Variants in SCAMP4 observed in about 807,000 individuals in gnomAD.
SCAMP4 encodes secretory carrier-associated membrane protein 4.
A neutral mutation model predicts 32.1 loss-of-function variants in SCAMP4; 19 were observed. That is an observed-to-expected ratio of 0.59 (90% CI 0.41 to 0.87). The LOEUF is 0.87. SCAMP4 is among the 40% of genes least tolerant of loss of function. The pLI is 0.00. For missense variants in SCAMP4, 302 were observed against 309.0 expected (o/e 0.98, Z 0.17); for synonymous variants, 152 against 132.7 (o/e 1.15, Z -1.00).
In SCAMP4 at chr19:1,924,268, G is replaced by T; in HGVS notation, c.674G>T (p.Ser225Ile). 1.3e-6 allele frequency: 2 copies of T among 1,594,630 alleles called. No individual in the cohort carries two copies. The highest frequency in any genetic ancestry group is 1.7e-5 in the Admixed American group (1 of 57,172). ...CCCACTGTGCCCAGCTACCCGGGCA[G>T]TGGCCAGTGGCCTTAGAGGGAGCCT... ...EYPTVPSYPG[S>I]GQWP is the part of the protein sequence containing the mutation. The change falls in exon 7 of 7, where the codon AGT becomes ATT. Residue 225 changes from serine to isoleucine, a missense_variant. Transcript: ENST00000316097.
chr19:1,921,887 G>C, intron 5 of SCAMP4: 1 of 985,420 alleles, frequency 1.0e-6, no homozygotes. Flanking sequence ...CTCCAAGCAG[G>C]CGAACACAGG....
At chr19:1,921,296 G>C (rs1264619582) in intron 5 of SCAMP4, 13 of 985,434 alleles carry the variant, frequency 1.3e-5, no homozygotes, top group Non-Finnish European at 1.6e-5. Context: ...CACCTCCCCA[G>C]GGGTGACGCA....
chr19:1,907,619 C>T (rs769241720), intron 1 of SCAMP4, among the ~76,000 whole-genome samples: 6 of 152,146 alleles, frequency 3.9e-5, no homozygotes, highest in Admixed American at 1.3e-4. Flanking sequence ...GGCCTCCCAG[C>T]CTCCTGTTCA....
At position 1,918,885 on chromosome 19, in the gene SCAMP4, C is replaced by A. The variant is rs138967369; in HGVS notation, c.294-4C>A. 6.4e-4 allele frequency: 1,029 copies of A among 1,601,408 alleles called. 3 individuals are homozygous for A. In the African/African-American group the frequency reaches 0.012, roughly 19 times the overall value. The stretch of plus-strand genomic sequence containing the variant: ...TAACCGTCGTGTTTTCTGTCCCTCC[C>A]CAGAGCCGACAGCTCCTTTAATTTC... On this transcript the variant is annotated splice_region_variant and splice_polypyrimidine_tract_variant and intron_variant, in intron 4 of 6. Coordinates refer to ENST00000316097, the MANE Select transcript of SCAMP4 (RefSeq NM_079834.4).
At chr19:1,909,662 C>G (rs947391823) in intron 1 of SCAMP4, among the ~76,000 whole-genome samples, 1 of 152,188 alleles carries the variant, frequency 6.6e-6, no homozygotes, top group East Asian at 1.9e-4. Flanking sequence ...GGTTCTCACC[C>G]GAGAGCCGCC....
rs1006095259 is a variant in SCAMP4, at chr19:1,924,539, C to T, written c.*255C>T. 9 of 527,000 alleles carry T rather than the reference C, an allele frequency of 1.7e-5. No individual in the cohort carries two copies. The highest frequency in any genetic ancestry group is 2.1e-5 in the Non-Finnish European group (6 of 288,216). 32.6% of individuals were successfully genotyped at this position (527,000 alleles called of 1,614,324 possible). On this transcript the variant is annotated 3_prime_UTR_variant, in exon 7 of 7. Coordinates refer to ENST00000316097, the MANE Select transcript of SCAMP4 (RefSeq NM_079834.4). ...CGTCCACAGGACGCCCTCTTGCTCC[C>T]GGAAACGTGTGGTCACCCGCCGTCC...
Position 1,924,329 on chromosome 19 carries a change from A to G in SCAMP4, c.*45A>G, listed in dbSNP as rs1470890291. On this transcript the variant is annotated 3_prime_UTR_variant, in exon 7 of 7. Coordinates refer to ENST00000316097, the MANE Select transcript of SCAMP4 (RefSeq NM_079834.4). ...CACCGCCCACCACCTCCTCCCCTTC[A>G]TTCCTGCTGCTACCCCTGGTCCCGA... 3 of 1,516,786 alleles carry G rather than the reference A, an allele frequency of 2.0e-6. No individual in the cohort carries two copies. Among genetic ancestry groups the G allele is most frequent in the African/African-American group, 1.4e-5 (1 of 72,762 alleles). The allele number at this position is 1,516,786 out of a possible 1,614,324, so 94.0% of individuals were successfully genotyped here.
At chr19:1,924,084 C>T (rs1599259627) in intron 6 of SCAMP4, 24 bp from the exon 7 acceptor site, 2 of 1,565,370 alleles carry the variant, frequency 1.3e-6, no homozygotes, top group Non-Finnish European at 8.6e-7. Flanking sequence ...CTGTCTTCTG[C>T]CTCCCTGTCC....
intron 6 of SCAMP4, among the ~76,000 whole-genome samples, chr19:1,923,872 G>A (rs181153196): frequency 0.016 from 1,867 of 113,630 alleles, 265 homozygotes; most frequent in African/African-American, 0.047. Context: ...TGATCCTCCC[G>A]CCTCGGCCTC....
intron 5 of SCAMP4, chr19:1,922,082 C>T (rs956571924): frequency 2.0e-6 from 2 of 985,310 alleles, no homozygotes; most frequent in African/African-American, 3.5e-5. Context: ...TTTAAGTTCC[C>T]TGAATTTTAA....
chr19:1,918,108 C>A lies in SCAMP4; in HGVS notation c.137-19C>A. 6.2e-7 allele frequency: 1 copy of A among 1,600,186 alleles called. No homozygotes were observed. Among genetic ancestry groups the A allele is most frequent in the Non-Finnish European group, 8.5e-7 (1 of 1,171,592 alleles). The stretch of plus-strand genomic sequence containing the variant: ...CACCCTCCCGTGCCTGCTCATCCGT[C>A]CTCCCTCTCTCTTCGCAGTTTACTG... On this transcript the variant is annotated intron_variant, in intron 3 of 6. Coordinates refer to ENST00000316097, the MANE Select transcript of SCAMP4 (RefSeq NM_079834.4).
Position 1,924,682 on chromosome 19 carries a change from G to A in SCAMP4, c.*398G>A, listed in dbSNP as rs765488386. ...AGCTGCTGGCGCTGAGGTCAGAGCG[G>A]GTCTGATGGGGAGCTCCGTCTCACC... On this transcript the variant is annotated 3_prime_UTR_variant, in exon 7 of 7. Transcript: ENST00000316097. The A allele has an allele frequency of 1.4e-5, 3 of 215,782 alleles. No individual in the cohort carries two copies. Among genetic ancestry groups the A allele is most frequent in the East Asian group, 2.0e-4 (2 of 9,980 alleles). The allele number at this position is 215,782 out of a possible 1,614,324, so 13.4% of individuals were successfully genotyped here.
chr19:1,917,955 C>T (rs947151976), intron 3 of SCAMP4, 133 bp downstream of exon 3: 13 of 1,370,002 alleles, frequency 9.5e-6, no homozygotes, highest in Middle Eastern at 4.9e-4. Context: ...GTGGTCCCTG[C>T]GGTGAACGAG....
chr19:1,906,984 G>A (rs2013158419), intron 1 of SCAMP4: 1 of 151,752 alleles, frequency 6.6e-6, no homozygotes, highest in Non-Finnish European at 1.5e-5. Context: ...TCAGGAGTTC[G>A]AGAGCAGCCT....
At position 1,923,836 on chromosome 19, in the gene SCAMP4, A is replaced by T. The variant is rs572818400; in HGVS notation, c.514-272A>T. Among the ~76,000 whole-genome samples the T allele has an allele frequency of 4.6e-4, 57 of 123,990 alleles. 1 individual carries two copies. Among genetic ancestry groups the T allele is most frequent in the Non-Finnish European group, 8.3e-4 (50 of 60,418 alleles). 81.3% of individuals were successfully genotyped at this position (123,990 alleles called of 152,430 possible). A position where few individuals can be genotyped will look rare whatever the true frequency, so the allele number is the denominator to read the frequency against. ...GAGACAGGTTTTCACCGTGTTAGCCAGGATGGTCTCAATCTCCTGACCTCG... is the reference window on the plus strand; with the variant it reads ...GAGACAGGTTTTCACCGTGTTAGCCTGGATGGTCTCAATCTCCTGACCTCG... On this transcript the variant is annotated intron_variant, in intron 6 of 6. Transcript: ENST00000316097.
chr19:1,915,196 T>G (rs2013690206), intron 2 of SCAMP4, among the ~76,000 whole-genome samples, 170 bp downstream of exon 2: 1 of 152,136 alleles, frequency 6.6e-6, no homozygotes, highest in African/African-American at 2.4e-5. Context: ...ACGCCTCTGC[T>G]GGGGGCAAAG....
chr19:1,914,020 G>T (rs1183251536), intron 1 of SCAMP4, among the ~76,000 whole-genome samples: 1 of 152,214 alleles, frequency 6.6e-6, no homozygotes, highest in African/African-American at 2.4e-5. Context: ...CGTGCCTGGG[G>T]GTGGGACTGA....
At chr19:1,922,295 T>C (rs2013942697) in intron 5 of SCAMP4, 1 of 979,202 alleles carries the variant, frequency 1.0e-6, no homozygotes. Context: ...AATCTTGCTC[T>C]GTCCCCCAGG....
intron 2 of SCAMP4, among the ~76,000 whole-genome samples, chr19:1,916,685 T>C (rs1414727079): frequency 6.6e-6 from 1 of 152,172 alleles, no homozygotes; most frequent in African/African-American, 2.4e-5. Context: ...CTGGAACTCC[T>C]GGGCTCCAGC....
Sources: allele counts gnomAD v4.1 joint callset (sites outside exome capture counted in the v4.1 genomes callset), GRCh38; gene constraint gnomAD v4.1.1; transcripts MANE v1.5; gene names NCBI Gene and HGNC (gene_info 2026-07-23, HGNC 2026-07-21).